LYPD1: variants seen among roughly 807,000 people sequenced by gnomAD.
LYPD1 encodes LY6/PLAUR domain containing 1.
In LYPD1, 14 loss-of-function variants were observed where a neutral mutation model predicts 14.2. The ratio of observed to expected loss-of-function variants is 0.99; its 90% CI spans 0.65 to 1.54. The LOEUF is 1.54. Ranked by LOEUF, LYPD1 falls within the 40% of genes most tolerant of loss-of-function variation. The probability of loss-of-function intolerance (pLI) is 0.00; values close to 1 mark genes in which losing one functional copy is unlikely to be tolerated. For missense variants in LYPD1, 165 were observed against 175.7 expected (o/e 0.94, Z 0.34); for synonymous variants, 85 against 70.6 (o/e 1.20, Z -1.02).
At position 132,645,991 on chromosome 2, in the gene LYPD1, T is replaced by G; in HGVS notation, c.*54A>C. The G allele has an allele frequency of 2.2e-6, 3 of 1,346,082 alleles. No individual in the cohort carries two copies. The highest frequency in any genetic ancestry group is 3.0e-6 in the Non-Finnish European group (3 of 996,226). 83.4% of individuals were successfully genotyped at this position (1,346,082 alleles called of 1,614,324 possible). A position where few individuals can be genotyped will look rare whatever the true frequency, so the allele number is the denominator to read the frequency against. On this transcript the variant is annotated 3_prime_UTR_variant, in exon 3 of 3. Coordinates refer to ENST00000397463, the MANE Select transcript of LYPD1 (RefSeq NM_144586.7). ...GAAACTCACTCAGGGAGGTGGGGGGTTGGGGGCGAGGGCTGGAAGAACAAT... is the reference window on the plus strand; with the variant it reads ...GAAACTCACTCAGGGAGGTGGGGGGGTGGGGGCGAGGGCTGGAAGAACAAT...
chr2:132,645,484 C>A lies in LYPD1; in HGVS notation c.*561G>T. On this transcript the variant is annotated 3_prime_UTR_variant, in exon 3 of 3. Transcript: ENST00000397463. ...TGAGAAGATTTTCTTAAGCACTTTT[C>A]AGAGCGAGGCCGAGCCCCAGTCTAA... The A allele has an allele frequency of 6.2e-7, 1 of 1,613,988 alleles. No individual in the cohort carries two copies. Among genetic ancestry groups the A allele is most frequent in the Non-Finnish European group, 8.5e-7 (1 of 1,180,040 alleles).
chr2:132,648,742 G>T (rs1363553860), intron 2 of LYPD1, among the ~76,000 whole-genome samples: 2 of 152,160 alleles, frequency 1.3e-5, no homozygotes, highest in Admixed American at 6.5e-5. Flanking sequence ...CAAGTTGGTG[G>T]TTCAGGAACT....
intron 2 of LYPD1, among the ~76,000 whole-genome samples, chr2:132,647,274 A>G (rs922936146): frequency 6.6e-6 from 1 of 152,230 alleles, no homozygotes; most frequent in Non-Finnish European, 1.5e-5. Context: ...ATGAACAGGA[A>G]GTGGAGCAGC....
intron 2 of LYPD1, among the ~76,000 whole-genome samples, chr2:132,654,779 C>T (rs1023031550): frequency 1.3e-4 from 19 of 151,796 alleles, no homozygotes; most frequent in African/African-American, 2.2e-4. Context: ...GATGGAGCCT[C>T]GCTTTGTCAC....
At chr2:132,650,019 A>C (rs1682294645) in intron 2 of LYPD1, among the ~76,000 whole-genome samples, 1 of 152,202 alleles carries the variant, frequency 6.6e-6, no homozygotes, top group Non-Finnish European at 1.5e-5. Context: ...AGACAAAAAG[A>C]CAAGTGAAAC....
intron 2 of LYPD1, among the ~76,000 whole-genome samples, chr2:132,659,250 A>T (rs573169726): frequency 2.6e-5 from 4 of 152,282 alleles, no homozygotes; most frequent in Admixed American, 2.6e-4. Context: ...TTAGCTTGAA[A>T]CTTGGTTTCT....
intron 2 of LYPD1, among the ~76,000 whole-genome samples, chr2:132,654,097 T>C (rs1470105916): frequency 1.3e-5 from 2 of 152,242 alleles, no homozygotes; most frequent in African/African-American, 4.8e-5. Context: ...GTGCCAATGT[T>C]AATTTCCTAG....
Position 132,645,299 on chromosome 2 carries a change from G to A in LYPD1, c.*746C>T, listed in dbSNP as rs1220872906. On this transcript the variant is annotated 3_prime_UTR_variant, in exon 3 of 3. Transcript: ENST00000397463. ...TACACGGTGTCCTCGCAGCAGTTTC[G>A]GCGGGTGTTCGTGCAGGTGCTGTGC... 7.4e-6 allele frequency: 12 copies of A among 1,614,020 alleles called. No homozygotes were observed. Among genetic ancestry groups the A allele is most frequent in the South Asian group, 1.1e-5 (1 of 91,064 alleles).
intron 2 of LYPD1, among the ~76,000 whole-genome samples, chr2:132,660,776 C>A (rs1313593965): frequency 6.6e-6 from 1 of 152,182 alleles, no homozygotes; most frequent in East Asian, 1.9e-4. Flanking sequence ...AGATATGTCT[C>A]ATGGTTAAAT....
rs1573715467 is a variant in LYPD1 at position 132,643,493 on chromosome 2, T to C, written c.*2552A>G. On this transcript the variant is annotated 3_prime_UTR_variant, in exon 3 of 3. Transcript: ENST00000397463. Reference sequence around the variant, plus strand: ...GGAGGCTCAATTCTGGATGTGTGAATGTGGCTGTTTTTTCCTGGAGCATTT... The same window carrying C: ...GGAGGCTCAATTCTGGATGTGTGAACGTGGCTGTTTTTTCCTGGAGCATTT... Among the ~76,000 whole-genome samples the C allele has an allele frequency of 6.6e-6, 1 of 152,180 alleles. No individual in the cohort carries two copies. Among genetic ancestry groups the C allele is most frequent in the East Asian group, 1.9e-4 (1 of 5,188 alleles).
In LYPD1 at chr2:132,658,282, CAAG is replaced by C. The variant is rs1682721524; in HGVS notation, c.190+10115_190+10117del. 3.9e-5 allele frequency among the ~76,000 whole-genome samples: 6 copies of C among 152,306 alleles called. No individual in the cohort carries two copies. The South Asian group carries it at 1.2e-3, about 32-fold the overall frequency. ...TATGTAGACTATCTTGTTACATAAA[CAAG>C]AAATGCCTTTATGGTTTATGTCCCT... On this transcript the variant is annotated intron_variant, in intron 2 of 2. Transcript: ENST00000397463.
At chr2:132,661,518 C>G (rs1682937280) in intron 2 of LYPD1, among the ~76,000 whole-genome samples, 1 of 152,096 alleles carries the variant, frequency 6.6e-6, no homozygotes, top group Admixed American at 6.5e-5. Context: ...TTTTAGATAT[C>G]TGCCCCAGCA....
Position 132,644,857 on chromosome 2 carries a change from T to C in LYPD1, c.*1188A>G, listed in dbSNP as rs1005844130. 8 of 508,582 alleles carry C rather than the reference T, an allele frequency of 1.6e-5. No individual in the cohort carries two copies. Among genetic ancestry groups the C allele is most frequent in the Non-Finnish European group, 2.4e-5 (7 of 290,398 alleles). The allele number at this position is 508,582 out of a possible 1,614,324, so 31.5% of individuals were successfully genotyped here. On this transcript the variant is annotated 3_prime_UTR_variant, in exon 3 of 3. Transcript: ENST00000397463. ...CAGACATCAACTGGTATAAATACAC[T>C]GTCTAAAGCATTTAATGGTCTTTCT... is the stretch of plus-strand genomic sequence containing the variant.
rs1683558323 is a variant in LYPD1 at position 132,669,941 on chromosome 2, A to C, written c.-9T>G. 1.2e-6 allele frequency: 2 copies of C among 1,612,008 alleles called. No individual in the cohort carries two copies. The highest frequency in any genetic ancestry group is 1.7e-6 in the Non-Finnish European group (2 of 1,179,258). On this transcript the variant is annotated 5_prime_UTR_variant, in exon 1 of 3. Coordinates refer to ENST00000397463, the MANE Select transcript of LYPD1 (RefSeq NM_144586.7). The surrounding 1 kb of genome is among the most constrained non-coding windows in gnomAD (Gnocchi z 4.3). ...ATGCCTAGGACCCACATTCTCCCGG[A>C]GTCCCGGGGCCGGGAGAGGGCAAGC...
At chr2:132,671,070 A>G (rs1683686835), upstream of LYPD1, 1 of 152,354 alleles carries the variant, frequency 6.6e-6, no homozygotes. Context: ...TTATTAGCAC[A>G]TACTCCCACG....
In LYPD1 at chr2:132,649,478, C is replaced by T. The variant is rs746226484; in HGVS notation, c.191-3198G>A. Among the ~76,000 whole-genome samples the T allele has an allele frequency of 7.9e-5, 12 of 152,170 alleles. No individual in the cohort carries two copies. In the South Asian group the frequency reaches 1.5e-3, roughly 18 times the overall value. ...GTAGGCACTTCAGCAGGCAGGCTGGCGATGGGAACGGAGGTGCAGGGACAA... is the reference window on the plus strand; with the variant it reads ...GTAGGCACTTCAGCAGGCAGGCTGGTGATGGGAACGGAGGTGCAGGGACAA... On this transcript the variant is annotated intron_variant, in intron 2 of 2. Transcript: ENST00000397463.
intron 2 of LYPD1, among the ~76,000 whole-genome samples, chr2:132,664,081 A>C (rs1683126919): frequency 6.6e-6 from 1 of 152,122 alleles, no homozygotes; most frequent in Non-Finnish European, 1.5e-5. Context: ...GCGCACAGGC[A>C]TTTGAGCTTG....
In LYPD1 at chr2:132,645,740, C is replaced by T. The variant is rs1041007397; in HGVS notation, c.*305G>A. 1.6e-6 allele frequency: 2 copies of T among 1,252,742 alleles called. No homozygotes were observed. The highest frequency in any genetic ancestry group is 2.2e-6 in the Non-Finnish European group (2 of 920,128). The allele number at this position is 1,252,742 out of a possible 1,614,324, so 77.6% of individuals were successfully genotyped here. On this transcript the variant is annotated 3_prime_UTR_variant, in exon 3 of 3. Coordinates refer to ENST00000397463, the MANE Select transcript of LYPD1 (RefSeq NM_144586.7). ...TGGAGGCTTTACAAAAGGCAGATGCCCACCTCAGTGACTTCTAAGGACTGA... is the reference window on the plus strand; with the variant it reads ...TGGAGGCTTTACAAAAGGCAGATGCTCACCTCAGTGACTTCTAAGGACTGA...
chr2:132,645,231 G>GGA lies in LYPD1; in HGVS notation c.*812_*813dup, dbSNP rs780597849. On this transcript the variant is annotated 3_prime_UTR_variant, in exon 3 of 3. Coordinates refer to ENST00000397463, the MANE Select transcript of LYPD1 (RefSeq NM_144586.7). ...CGTACATGATCCTCCTCCCCTTCTC[G>GGA]GAGACGTTTTTCTACCTCAGCTCGG... is the stretch of plus-strand genomic sequence containing the variant. 6.2e-7 allele frequency: 1 copy of GGA among 1,614,128 alleles called. No homozygotes were observed. The highest frequency in any genetic ancestry group is 1.7e-5 in the Admixed American group (1 of 60,020).
Sources: allele counts gnomAD v4.1 joint callset (sites outside exome capture counted in the v4.1 genomes callset), GRCh38; gene constraint gnomAD v4.1.1; non-coding constraint Gnocchi (gnomAD v3.1); transcripts MANE v1.5; gene names NCBI Gene and HGNC (gene_info 2026-07-23, HGNC 2026-07-21).